Variants in MAGI2 observed in about 807,000 individuals in gnomAD.
MAGI2 encodes the protein membrane associated guanylate kinase, WW and PDZ domain containing 2.
In MAGI2, 35 loss-of-function variants were observed where a neutral mutation model predicts 133.3. That is an observed-to-expected ratio of 0.26 (90% CI 0.20 to 0.35). MAGI2 has a LOEUF of 0.35. MAGI2 is among the 10% of genes least tolerant of loss of function. The probability of loss-of-function intolerance (pLI) is 1.00; values close to 1 mark genes in which losing one functional copy is unlikely to be tolerated. For missense variants in MAGI2, 1,636 were observed against 1,863.4 expected, an observed-to-expected ratio of 0.88 and a Z score of 2.25; for synonymous variants, 729 against 710.6, an observed-to-expected ratio of 1.03 and a Z score of -0.41.
chr7:78,742,205 C>A (rs1822505041), intron 2 of MAGI2, among the ~76,000 whole-genome samples: 1 of 151,932 alleles, frequency 6.6e-6, no homozygotes, highest in Admixed American at 6.6e-5. Context: ...CCAAGGTTAC[C>A]CAGACAATCT....
At chr7:78,234,336 C>G (rs1036099554) in intron 10 of MAGI2, among the ~76,000 whole-genome samples, 1 of 152,074 alleles carries the variant, frequency 6.6e-6, no homozygotes, top group African/African-American at 2.4e-5. Context: ...CTCATTACAA[C>G]CCACTCTCCT....
intron 1 of MAGI2, among the ~76,000 whole-genome samples, chr7:79,025,175 A>AG (rs947144975): frequency 3.8e-5 from 1 of 26,460 alleles, no homozygotes. Flanking sequence ...ATGCAGCCAT[A>AG]AAAAAATGAG....
intron 3 of MAGI2, among the ~76,000 whole-genome samples, chr7:78,524,138 A>G (rs1796747529): frequency 6.6e-6 from 1 of 151,784 alleles, no homozygotes; most frequent in Admixed American, 6.6e-5. Flanking sequence ...AGCAGAAGAG[A>G]TGTGCACTCT....
At chr7:78,856,839 G>A (rs1224692557) in intron 2 of MAGI2, among the ~76,000 whole-genome samples, 4 of 152,112 alleles carry the variant, frequency 2.6e-5, no homozygotes, top group Admixed American at 1.3e-4. Flanking sequence ...AAAGTACCAC[G>A]GGCAGTGTGG....
chr7:79,168,307 G>A (rs1231804010), intron 1 of MAGI2, among the ~76,000 whole-genome samples: 2 of 151,942 alleles, frequency 1.3e-5, no homozygotes, highest in South Asian at 2.1e-4. Context: ...TAATCTTTGC[G>A]ACCTTGCCAT....
At chr7:78,438,908 C>T (rs1159781527) in intron 6 of MAGI2, among the ~76,000 whole-genome samples, 1 of 152,140 alleles carries the variant, frequency 6.6e-6, no homozygotes, top group African/African-American at 2.4e-5. Context: ...TCTTCCTGCT[C>T]ACTACTCAGT....
At chr7:78,982,720 C>T (rs1388309200) in intron 2 of MAGI2, among the ~76,000 whole-genome samples, 1 of 138,374 alleles carries the variant, frequency 7.2e-6, no homozygotes, top group African/African-American at 2.8e-5. Context: ...CAGGAAGGAA[C>T]ACCTAATGGA....
chr7:79,126,876 T>G (rs1820456664), intron 1 of MAGI2, among the ~76,000 whole-genome samples: 1 of 152,072 alleles, frequency 6.6e-6, no homozygotes, highest in Non-Finnish European at 1.5e-5. Flanking sequence ...TGTATACATG[T>G]GCCATGTTGG....
At chr7:78,622,278 T>G in intron 3 of MAGI2, among the ~76,000 whole-genome samples, 1 of 151,986 alleles carries the variant, frequency 6.6e-6, no homozygotes, top group East Asian at 1.9e-4. Context: ...TGAGAGTAAC[T>G]CAATTCCTTC....
chr7:79,360,083 C>T (rs1160762830), intron 1 of MAGI2, among the ~76,000 whole-genome samples: 2 of 152,142 alleles, frequency 1.3e-5, no homozygotes, highest in Non-Finnish European at 2.9e-5. Context: ...CAGCCAACAA[C>T]TGCTCAAGAA....
intron 3 of MAGI2, among the ~76,000 whole-genome samples, chr7:78,560,854 G>A (rs916530111): frequency 6.6e-6 from 1 of 152,028 alleles, no homozygotes; most frequent in Non-Finnish European, 1.5e-5. Flanking sequence ...GCTGATCATG[G>A]ACAACATATA....
chr7:79,045,800 A>T (rs1174028619), intron 1 of MAGI2, among the ~76,000 whole-genome samples: 1 of 152,192 alleles, frequency 6.6e-6, no homozygotes, highest in Non-Finnish European at 1.5e-5. Context: ...CCCCAAAAAA[A>T]GAGTGGCAGA....
intron 1 of MAGI2, among the ~76,000 whole-genome samples, chr7:79,213,924 G>A (rs966856996): frequency 2.6e-5 from 4 of 151,980 alleles, no homozygotes; most frequent in African/African-American, 9.7e-5. Flanking sequence ...TTCTTGCTCT[G>A]ACAAGGACTA....
chr7:78,873,308 T>C (rs1365913020), intron 2 of MAGI2, among the ~76,000 whole-genome samples: 1 of 152,190 alleles, frequency 6.6e-6, no homozygotes, highest in Non-Finnish European at 1.5e-5. Flanking sequence ...GTTAGGAATC[T>C]GGCTGCACAG....
intron 6 of MAGI2, among the ~76,000 whole-genome samples, chr7:78,432,634 T>C (rs116204530): frequency 0.019 from 2,820 of 152,148 alleles, 70 homozygotes; most frequent in East Asian, 0.059. Flanking sequence ...GTACAACTAC[T>C]GAGAATTCCT....
chr7:78,444,856 TA>T (rs1042621257), intron 6 of MAGI2, among the ~76,000 whole-genome samples: 12 of 148,286 alleles, frequency 8.1e-5, no homozygotes, highest in African/African-American at 2.2e-4. Flanking sequence ...TGTAAATATA[TA>T]AAAATATATA....
At chr7:78,525,461 A>G (rs1468775) in intron 3 of MAGI2, among the ~76,000 whole-genome samples, 97,544 of 152,050 alleles carry the variant, frequency 0.64, 32,413 homozygotes, top group African/African-American at 0.83. Flanking sequence ...CAAGGATAAA[A>G]TGTGCCTTTT....
intron 3 of MAGI2, among the ~76,000 whole-genome samples, chr7:78,608,923 T>A (rs1806128619): frequency 6.6e-6 from 1 of 152,136 alleles, no homozygotes; most frequent in African/African-American, 2.4e-5. Flanking sequence ...TATTAAGCAT[T>A]AACTTACATG....
chr7:79,010,297 A>T (rs995535968), intron 1 of MAGI2, among the ~76,000 whole-genome samples: 1 of 152,088 alleles, frequency 6.6e-6, no homozygotes, highest in Non-Finnish European at 1.5e-5. Flanking sequence ...ATGTATACAC[A>T]TACACATACA....
Sources: gnomAD v4.1 joint callset for allele counts (sites outside exome capture counted in the v4.1 genomes callset) on GRCh38, gnomAD v4.1.1 for gene constraint, MANE v1.5 for transcripts, NCBI Gene and HGNC (gene_info 2026-07-23, HGNC 2026-07-21) for gene names.